The following PRDM5 variants were observed in gnomAD, a reference collection of about 807,000 sequenced individuals.
PRDM5 encodes PR/SET domain 5.
In PRDM5, 56 loss-of-function variants were observed where a neutral mutation model predicts 81.2. That is an observed-to-expected ratio of 0.69 (90% CI 0.56 to 0.86). The LOEUF (loss-of-function observed/expected upper bound fraction) is 0.86, where lower values mean the gene tolerates loss of function less well. Ranked by LOEUF, PRDM5 falls within the 40% of genes least tolerant of loss-of-function variation. PRDM5 has a pLI of 0.00. For missense variants in PRDM5, 697 were observed against 770.1 expected, an observed-to-expected ratio of 0.91 and a Z score of 1.12; for synonymous variants, 267 against 256.4, an observed-to-expected ratio of 1.04 and a Z score of -0.39.
intron 2 of PRDM5, among the ~76,000 whole-genome samples, chr4:120,895,117 G>C (rs1764472899): frequency 6.6e-6 from 1 of 152,176 alleles, no homozygotes; most frequent in African/African-American, 2.4e-5. Context: ...GAATCCTTTA[G>C]AGAAAGTAAA....
intron 2 of PRDM5, among the ~76,000 whole-genome samples, chr4:120,897,606 T>C (rs1278955150): frequency 6.6e-6 from 1 of 152,236 alleles, no homozygotes; most frequent in African/African-American, 2.4e-5. Context: ...ACATTACAGA[T>C]GTATTAGATA....
intron 8 of PRDM5, among the ~76,000 whole-genome samples, chr4:120,806,141 G>A (rs878913712): frequency 6.6e-6 from 1 of 152,136 alleles, no homozygotes; most frequent in African/African-American, 2.4e-5. Context: ...CAACTTACAA[G>A]GGATGTGAAG....
At chr4:120,719,888 G>T (rs1227651790) in intron 14 of PRDM5, among the ~76,000 whole-genome samples, 1 of 152,068 alleles carries the variant, frequency 6.6e-6, no homozygotes, top group Non-Finnish European at 1.5e-5. Context: ...TGCATCAGGG[G>T]TTTTGTCTTT....
intron 2 of PRDM5, among the ~76,000 whole-genome samples, chr4:120,889,185 G>A (rs1401259088): frequency 6.6e-6 from 1 of 151,954 alleles, no homozygotes; most frequent in Non-Finnish European, 1.5e-5. Context: ...TCTTTGAAAG[G>A]TTTATTGCTT....
intron 2 of PRDM5, among the ~76,000 whole-genome samples, chr4:120,860,227 T>A (rs956769757): frequency 6.6e-6 from 1 of 152,224 alleles, no homozygotes; most frequent in Non-Finnish European, 1.5e-5. Flanking sequence ...ACAGTCTCAA[T>A]AAATATTTTA....
chr4:120,741,581 G>C (rs563630369), intron 14 of PRDM5, among the ~76,000 whole-genome samples: 17 of 151,880 alleles, frequency 1.1e-4, no homozygotes, highest in African/African-American at 2.9e-4. Context: ...CACTGTGCAC[G>C]AGCCGAAGCA....
At chr4:120,750,864 G>T (rs566084789) in intron 14 of PRDM5, among the ~76,000 whole-genome samples, 5 of 151,748 alleles carry the variant, frequency 3.3e-5, no homozygotes, top group Non-Finnish European at 2.9e-5. Context: ...ACCAAAGAAA[G>T]AATTTAAAAT....
chr4:120,874,804 G>A (rs1042061137), intron 2 of PRDM5, among the ~76,000 whole-genome samples: 1 of 152,220 alleles, frequency 6.6e-6, no homozygotes, highest in South Asian at 2.1e-4. Context: ...GTCCCAGATT[G>A]CAGATTTTGT....
intron 15 of PRDM5, among the ~76,000 whole-genome samples, chr4:120,702,477 C>T (rs1735528958): frequency 1.3e-5 from 2 of 152,298 alleles, no homozygotes; most frequent in African/African-American, 4.8e-5. Flanking sequence ...TTTTCCTTAA[C>T]AACACTTTCC....
chr4:120,773,554 A>C (rs1174324355), intron 13 of PRDM5, among the ~76,000 whole-genome samples: 2 of 152,174 alleles, frequency 1.3e-5, no homozygotes, highest in Non-Finnish European at 2.9e-5. Flanking sequence ...GCATGGGTAA[A>C]AGATCATTCG....
chr4:120,818,376 T>C lies in PRDM5; in HGVS notation c.627A>G (p.Pro209=), dbSNP rs138170787. The C allele has an allele frequency of 7.4e-6, 12 of 1,613,948 alleles. No homozygotes were observed. The African/African-American group carries it at 9.3e-5, about 13-fold the overall frequency. Residue 209 remains proline (P), a synonymous_variant, in exon 5 of 16, where the codon CCA becomes CCG. Transcript: ENST00000264808. ...FKCKNCGKKF[P]VKQALQRHVL... ...ACTGTCTTTGCAAAGCCTGCTTAAC[T>C]GGGAATTTCTTCCCACAGTTCTTGC...
intron 14 of PRDM5, among the ~76,000 whole-genome samples, chr4:120,748,211 A>T (rs1333130026): frequency 6.6e-6 from 1 of 152,224 alleles, no homozygotes; most frequent in Non-Finnish European, 1.5e-5. Context: ...GGAGTGGTAA[A>T]GCAGACCTTT....
intron 14 of PRDM5, 123 bp downstream of exon 14, chr4:120,754,430 A>C (rs1744427665): frequency 4.8e-6 from 3 of 619,710 alleles, no homozygotes; most frequent in African/African-American, 3.7e-5. Context: ...AATATCTGTC[A>C]TAAATATAGA....
intron 7 of PRDM5, among the ~76,000 whole-genome samples, chr4:120,811,965 C>T (rs1173077264): frequency 1.3e-5 from 2 of 151,978 alleles, no homozygotes; most frequent in South Asian, 2.1e-4. Flanking sequence ...AATAATAGAT[C>T]GTATTCATTA....
At chr4:120,878,987 A>G (rs1232512333) in intron 2 of PRDM5, among the ~76,000 whole-genome samples, 1 of 152,200 alleles carries the variant, frequency 6.6e-6, no homozygotes, top group African/African-American at 2.4e-5. Flanking sequence ...ACAGTTTCTA[A>G]CAAAACTAAA....
intron 3 of PRDM5, among the ~76,000 whole-genome samples, chr4:120,852,781 GA>G (rs1423328721): frequency 7.0e-6 from 1 of 142,358 alleles, no homozygotes; most frequent in African/African-American, 2.6e-5. Flanking sequence ...TTAAAAAAAG[GA>G]TATATAAGGA....
At chr4:120,781,075 A>T in intron 12 of PRDM5, 68 bp downstream of exon 12, 1 of 1,289,834 alleles carries the variant, frequency 7.8e-7, no homozygotes, top group Non-Finnish European at 1.1e-6. Context: ...ATCACATGTT[A>T]GTTAACATAT....
At chr4:120,747,193 C>G (rs1022031393) in intron 14 of PRDM5, among the ~76,000 whole-genome samples, 1 of 148,954 alleles carries the variant, frequency 6.7e-6, no homozygotes, top group Non-Finnish European at 1.5e-5. Context: ...AACAAAAAAC[C>G]AAACACCACA....
intron 2 of PRDM5, among the ~76,000 whole-genome samples, chr4:120,866,994 G>A (rs1466565249): frequency 6.6e-6 from 1 of 152,168 alleles, no homozygotes; most frequent in East Asian, 1.9e-4. Flanking sequence ...TGCTGAGATT[G>A]AGGGGCTCAC....
Sources: allele counts gnomAD v4.1 joint callset (sites outside exome capture counted in the v4.1 genomes callset), GRCh38; gene constraint gnomAD v4.1.1; transcripts MANE v1.5; gene names NCBI Gene and HGNC (gene_info 2026-07-23, HGNC 2026-07-21).